Variants in ADK observed in about 807,000 individuals in gnomAD.
ADK encodes adenosine kinase.
A neutral mutation model predicts 44.7 loss-of-function variants in ADK; 24 were observed. The ratio of observed to expected loss-of-function variants is 0.54; its 90% CI spans 0.39 to 0.76. The LOEUF (loss-of-function observed/expected upper bound fraction) is 0.76. Ranked by LOEUF, ADK falls within the 30% of genes least tolerant of loss-of-function variation. ADK has a pLI of 0.00. For synonymous variants in ADK, 128 were observed against 142.6 expected (o/e 0.90, Z 0.73); for missense variants, 321 against 425.1 (o/e 0.76, Z 2.15).
chr10:74,669,104 T>C (rs1466422146), intron 9 of ADK, among the ~76,000 whole-genome samples: 1 of 152,160 alleles, frequency 6.6e-6, no homozygotes, highest in African/African-American at 2.4e-5. Flanking sequence ...ATATCAGTCA[T>C]TCCAGGAGAG....
intron 1 of ADK, among the ~76,000 whole-genome samples, chr10:74,154,758 C>T (rs528319317): frequency 1.1e-4 from 16 of 152,318 alleles, no homozygotes; most frequent in African/African-American, 3.8e-4. Context: ...ATATTTGATT[C>T]ATTTTACATC....
At chr10:74,249,763 AG>A (rs896249410) in intron 3 of ADK, among the ~76,000 whole-genome samples, 4 of 152,208 alleles carry the variant, frequency 2.6e-5, no homozygotes, top group African/African-American at 9.6e-5. Flanking sequence ...AATGAATGAA[AG>A]GGTTTTCCCG....
intron 10 of ADK, among the ~76,000 whole-genome samples, chr10:74,690,424 A>G (rs867137710): frequency 6.6e-6 from 1 of 152,178 alleles, no homozygotes; most frequent in African/African-American, 2.4e-5. Context: ...TGAGCCTGGA[A>G]GGCAGAGGTT....
At chr10:74,553,388 A>C (rs560100031) in intron 7 of ADK, among the ~76,000 whole-genome samples, 11 of 151,876 alleles carry the variant, frequency 7.2e-5, no homozygotes, top group African/African-American at 2.2e-4. Flanking sequence ...TGTAGTAGAG[A>C]TGGGGTTTCA....
intron 6 of ADK, among the ~76,000 whole-genome samples, chr10:74,438,089 A>G (rs1299459455): frequency 2.0e-5 from 3 of 152,264 alleles, no homozygotes; most frequent in Admixed American, 1.3e-4. Context: ...AGCTGTTGTC[A>G]TAATATCCCT....
intron 8 of ADK, among the ~76,000 whole-genome samples, chr10:74,598,514 A>C (rs1012356131): frequency 8.0e-6 from 1 of 124,746 alleles, no homozygotes; most frequent in South Asian, 2.6e-4. Context: ...CAGTGGCATG[A>C]TCTCTGCACA....
chr10:74,387,299 G>A (rs1195232583), intron 4 of ADK, among the ~76,000 whole-genome samples: 1 of 152,172 alleles, frequency 6.6e-6, no homozygotes, highest in Non-Finnish European at 1.5e-5. Context: ...GTGCGAAACT[G>A]AATCTTTGAC....
At chr10:74,543,209 TA>T (rs764981876) in intron 7 of ADK, among the ~76,000 whole-genome samples, 3,016 of 140,902 alleles carry the variant, frequency 0.021, 23 homozygotes, top group African/African-American at 0.025. Context: ...CTATTTCATT[TA>T]AAAAAAAAAA....
At chr10:74,236,694 A>T (rs905158437) in intron 3 of ADK, among the ~76,000 whole-genome samples, 1 of 152,188 alleles carries the variant, frequency 6.6e-6, no homozygotes, top group African/African-American at 2.4e-5. Flanking sequence ...TTGGTTCTAG[A>T]CTATCACAAT....
At chr10:74,238,196 T>A (rs2132290398) in intron 3 of ADK, among the ~76,000 whole-genome samples, 1 of 152,340 alleles carries the variant, frequency 6.6e-6, no homozygotes, top group South Asian at 2.1e-4. Context: ...AGAAAAGGTT[T>A]CCCAGAAGTA....
At chr10:74,192,616 T>C (rs1176734574) in intron 1 of ADK, among the ~76,000 whole-genome samples, 1 of 151,786 alleles carries the variant, frequency 6.6e-6, no homozygotes, top group South Asian at 2.1e-4. Flanking sequence ...ACTACAGTCC[T>C]CCTGGGCTTA....
chr10:74,582,966 T>C (rs901983236), intron 7 of ADK, among the ~76,000 whole-genome samples: 3 of 152,178 alleles, frequency 2.0e-5, no homozygotes, highest in African/African-American at 7.2e-5. Context: ...ATGCAACAAA[T>C]TTCTCCAGCC....
At position 74,494,687 on chromosome 10, in the gene ADK, T is replaced by C. The variant is rs528212545; in HGVS notation, c.556-30569T>C. The stretch of plus-strand genomic sequence containing the variant: ...TCTCTCTTTTTTTGTTTTTGAGATA[T>C]AGTCTCACTCTGTTGCCCAGGCTGG... On this transcript the variant is annotated intron_variant, in intron 6 of 10. Transcript: ENST00000539909. Among the ~76,000 whole-genome samples, 4 of 152,182 alleles carry C rather than the reference T, an allele frequency of 2.6e-5. No individual in the cohort carries two copies. In the South Asian group the frequency reaches 8.3e-4, roughly 32 times the overall value.
At chr10:74,353,570 T>C (rs866067341) in intron 4 of ADK, among the ~76,000 whole-genome samples, 2 of 135,436 alleles carry the variant, frequency 1.5e-5, no homozygotes, top group East Asian at 4.4e-4. Flanking sequence ...AACTTAAAGT[T>C]AAAAAAAAAA....
chr10:74,659,199 CAGAG>C (rs946744849), intron 9 of ADK, among the ~76,000 whole-genome samples: 12 of 152,180 alleles, frequency 7.9e-5, no homozygotes, highest in African/African-American at 1.9e-4. Context: ...GCCTGGGTGA[CAGAG>C]AGAGATCCTG....
chr10:74,211,948 GCTT>G (rs1843828020), intron 2 of ADK, among the ~76,000 whole-genome samples: 1 of 152,056 alleles, frequency 6.6e-6, no homozygotes, highest in African/African-American at 2.4e-5. Context: ...GTTTGGAAAT[GCTT>G]CTTAAGTTTG....
chr10:74,648,781 A>G (rs929974901), intron 9 of ADK, among the ~76,000 whole-genome samples: 2 of 152,232 alleles, frequency 1.3e-5, no homozygotes, highest in Admixed American at 1.3e-4. Flanking sequence ...ACAGAGCTGT[A>G]TAAGAGCAAG....
intron 7 of ADK, among the ~76,000 whole-genome samples, chr10:74,582,732 G>GC (rs1851412481): frequency 1.3e-5 from 2 of 152,048 alleles, no homozygotes; most frequent in Admixed American, 1.3e-4. Flanking sequence ...AGAGGCATGA[G>GC]TGTCTTTATA....
At chr10:74,170,749 G>A (rs1429573506) in intron 1 of ADK, among the ~76,000 whole-genome samples, 1 of 147,830 alleles carries the variant, frequency 6.8e-6, no homozygotes. Flanking sequence ...GCAGTGAGCC[G>A]AGATCGCGCC....
Sources: allele counts gnomAD v4.1 joint callset (sites outside exome capture counted in the v4.1 genomes callset), GRCh38; gene constraint gnomAD v4.1.1; transcripts MANE v1.5; gene names NCBI Gene and HGNC (gene_info 2026-07-23, HGNC 2026-07-21).